HMGB1: variants seen among roughly 807,000 people sequenced by gnomAD.
HMGB1 encodes high mobility group box 1.
For synonymous variants in HMGB1, 81 were observed against 84.0 expected, an observed-to-expected ratio of 0.96 and a Z score of 0.19; for missense variants, 79 against 253.5, an observed-to-expected ratio of 0.31 and a Z score of 4.67.
intron 1 of HMGB1, among the ~76,000 whole-genome samples, chr13:30,593,747 C>T (rs560126446): frequency 5.1e-4 from 77 of 152,100 alleles, no homozygotes; most frequent in African/African-American, 1.4e-3. Flanking sequence ...ATCTACAACC[C>T]GAGTCTAATC....
At chr13:30,484,739 A>G (rs1286285585) in intron 1 of HMGB1, among the ~76,000 whole-genome samples, 2 of 151,830 alleles carry the variant, frequency 1.3e-5, no homozygotes, top group Non-Finnish European at 2.9e-5. Context: ...GAGAGAAAAG[A>G]AGGAGGAGGA....
At chr13:30,482,631 T>G (rs9551925) in intron 1 of HMGB1, among the ~76,000 whole-genome samples, 33,898 of 152,178 alleles carry the variant, frequency 0.22, 4,292 homozygotes, top group Middle Eastern at 0.43. Context: ...ACACCTTCCA[T>G]GTCTGTCTCT....
At chr13:30,613,283 A>G (rs1173816068) in intron 1 of HMGB1, among the ~76,000 whole-genome samples, 1 of 152,144 alleles carries the variant, frequency 6.6e-6, no homozygotes, top group Non-Finnish European at 1.5e-5. Context: ...TCAGCCTCCC[A>G]AAGTGCTGGG....
chr13:30,525,321 C>T (rs895921119), intron 1 of HMGB1, among the ~76,000 whole-genome samples: 1 of 152,176 alleles, frequency 6.6e-6, no homozygotes, highest in Non-Finnish European at 1.5e-5. Context: ...TAGGGATGCA[C>T]AAAATATTGC....
At chr13:30,610,215 T>C (rs1013059082) in intron 1 of HMGB1, among the ~76,000 whole-genome samples, 3 of 152,178 alleles carry the variant, frequency 2.0e-5, no homozygotes, top group African/African-American at 4.8e-5. Flanking sequence ...AGTGGGCTAT[T>C]AGCAGCTACG....
chr13:30,464,793 G>GTGT (rs1246769412), intron 1 of HMGB1: 2 of 209,852 alleles, frequency 9.5e-6, no homozygotes, highest in Non-Finnish European at 1.6e-5. Context: ...GTGTGTATGA[G>GTGT]AGAGTGTGTG....
chr13:30,469,375 T>C (rs536159174), upstream of HMGB1, among the ~76,000 whole-genome samples: 1 of 152,348 alleles, frequency 6.6e-6, no homozygotes, highest in East Asian at 1.9e-4. Flanking sequence ...ATTGTGTATA[T>C]TAATTACTGC....
upstream of HMGB1, among the ~76,000 whole-genome samples, chr13:30,470,900 C>T (rs1593261876): frequency 6.6e-6 from 1 of 152,032 alleles, no homozygotes; most frequent in Non-Finnish European, 1.5e-5. Context: ...CCACCCGCCT[C>T]AGCCTTCCAA....
intron 1 of HMGB1, among the ~76,000 whole-genome samples, chr13:30,555,599 A>C (rs1241203196): frequency 6.6e-6 from 1 of 152,196 alleles, no homozygotes; most frequent in Non-Finnish European, 1.5e-5. Flanking sequence ...TATTACACTA[A>C]TATACAGAAT....
At chr13:30,544,616 G>A (rs1869060181) in intron 1 of HMGB1, among the ~76,000 whole-genome samples, 1 of 152,176 alleles carries the variant, frequency 6.6e-6, no homozygotes, top group South Asian at 2.1e-4. Context: ...AAAAGGGCAT[G>A]GAAGCTCTGC....
chr13:30,474,064 A>T (rs1399592980), intron 1 of HMGB1, among the ~76,000 whole-genome samples: 2 of 152,182 alleles, frequency 1.3e-5, no homozygotes, highest in Non-Finnish European at 2.9e-5. Context: ...AGTGCCTGCT[A>T]ATGGGTATGG....
intron 1 of HMGB1, among the ~76,000 whole-genome samples, chr13:30,607,996 T>G (rs1188404126): frequency 6.6e-6 from 1 of 152,126 alleles, no homozygotes; most frequent in Non-Finnish European, 1.5e-5. Context: ...CATACCTTTG[T>G]GTAGGTAGGT....
At chr13:30,588,291 T>C (rs1191426871) in intron 1 of HMGB1, among the ~76,000 whole-genome samples, 1 of 152,166 alleles carries the variant, frequency 6.6e-6, no homozygotes, top group African/African-American at 2.4e-5. Flanking sequence ...AATTATGAGG[T>C]ACAGAATAGT....
At chr13:30,489,431 G>A (rs1256639558) in intron 1 of HMGB1, among the ~76,000 whole-genome samples, 1 of 152,212 alleles carries the variant, frequency 6.6e-6, no homozygotes, top group Admixed American at 6.5e-5. Context: ...CTGGTGGGAA[G>A]AGGATAGAAA....
intron 1 of HMGB1, among the ~76,000 whole-genome samples, chr13:30,484,933 A>G (rs1349125547): frequency 6.6e-6 from 1 of 152,188 alleles, no homozygotes; most frequent in Non-Finnish European, 1.5e-5. Flanking sequence ...AAACAGCCAA[A>G]GGACCTCTCA....
At chr13:30,464,220 G>T (rs1886557174) in intron 1 of HMGB1, 1 of 985,340 alleles carries the variant, frequency 1.0e-6, no homozygotes, top group African/African-American at 1.7e-5. Context: ...CAAAGAGGGA[G>T]CAGCAGCCAG....
intron 1 of HMGB1, among the ~76,000 whole-genome samples, chr13:30,538,693 C>CCTTTCTTTATTTA (rs1555238893): frequency 8.9e-6 from 1 of 111,860 alleles, no homozygotes; most frequent in African/African-American, 4.1e-5. Flanking sequence ...TCCTTTCTTT[C>CCTTTCTTTATTTA]TTTCTTTCTT....
chr13:30,490,002 A>T (rs1049207534), intron 1 of HMGB1, among the ~76,000 whole-genome samples: 2 of 142,826 alleles, frequency 1.4e-5, no homozygotes, highest in African/African-American at 2.6e-5. Flanking sequence ...TTGGGATTAC[A>T]GGCATCAGCC....
At chr13:30,470,910 A>T (rs1441630046), upstream of HMGB1, among the ~76,000 whole-genome samples, 1 of 151,950 alleles carries the variant, frequency 6.6e-6, no homozygotes, top group African/African-American at 2.4e-5. Flanking sequence ...CAGCCTTCCA[A>T]AGTGCTGGGA....
Sources: gnomAD v4.1 joint callset for allele counts (sites outside exome capture counted in the v4.1 genomes callset) on GRCh38, gnomAD v4.1.1 for gene constraint, MANE v1.5 for transcripts, NCBI Gene and HGNC (gene_info 2026-07-23, HGNC 2026-07-21) for gene names.